Variants in TRIM9 observed in about 807,000 individuals in gnomAD.
TRIM9 encodes tripartite motif containing 9, also known as E3 ubiquitin-protein ligase TRIM9.
TRIM9 carries 26 observed loss-of-function variants against 78.3 expected under a neutral mutation model. That is an observed-to-expected ratio of 0.33 (90% CI 0.24 to 0.46). The LOEUF (loss-of-function observed/expected upper bound fraction) is 0.46. Ranked by LOEUF, TRIM9 falls within the 20% of genes least tolerant of loss-of-function variation. The probability of loss-of-function intolerance (pLI) is 1.00; values close to 1 mark genes in which losing one functional copy is unlikely to be tolerated. For synonymous variants in TRIM9, 398 were observed against 416.5 expected, an observed-to-expected ratio of 0.96 and a Z score of 0.54; for missense variants, 787 against 1,036.4, an observed-to-expected ratio of 0.76 and a Z score of 3.30.
At chr14:51,006,047 G>T (rs1311591005) in intron 5 of TRIM9, among the ~76,000 whole-genome samples, 1 of 152,130 alleles carries the variant, frequency 6.6e-6, no homozygotes, top group Non-Finnish European at 1.5e-5. Flanking sequence ...AACAACAATG[G>T]CGTCTATGAT....
chr14:51,007,049 T>C (rs528055637), intron 5 of TRIM9, among the ~76,000 whole-genome samples: 1 of 152,238 alleles, frequency 6.6e-6, no homozygotes, highest in South Asian at 2.1e-4. Flanking sequence ...AGGAGGGCAA[T>C]GAATGGGGGA....
intron 3 of TRIM9, among the ~76,000 whole-genome samples, chr14:51,011,128 A>G (rs1161171053): frequency 6.6e-6 from 1 of 152,204 alleles, no homozygotes; most frequent in Non-Finnish European, 1.5e-5. Flanking sequence ...TTTTAAGAAT[A>G]ACCCACTGAA....
intron 1 of TRIM9, chr14:51,088,907 T>C (rs1329509932): frequency 1.3e-5 from 2 of 151,914 alleles, no homozygotes; most frequent in African/African-American, 2.4e-5. Flanking sequence ...AGTATTTACA[T>C]GTGTTAATTC....
chr14:51,057,860 G>A (rs1019069478), intron 1 of TRIM9, among the ~76,000 whole-genome samples: 1 of 152,158 alleles, frequency 6.6e-6, no homozygotes, highest in South Asian at 2.1e-4. Context: ...AAGTGGAAAA[G>A]ATGTCTACAG....
At chr14:51,024,549 G>C (rs766376239) in intron 2 of TRIM9, among the ~76,000 whole-genome samples, 1 of 152,212 alleles carries the variant, frequency 6.6e-6, no homozygotes, top group Non-Finnish European at 1.5e-5. Flanking sequence ...AAACAGTACA[G>C]AAGGTCATTA....
chr14:51,037,984 C>A (rs1164800312), intron 1 of TRIM9, among the ~76,000 whole-genome samples: 1 of 152,200 alleles, frequency 6.6e-6, no homozygotes, highest in Non-Finnish European at 1.5e-5. Flanking sequence ...TGACTGGGTT[C>A]AATCTCCTGC....
At chr14:51,039,386 A>C (rs1300396020) in intron 1 of TRIM9, among the ~76,000 whole-genome samples, 1 of 152,284 alleles carries the variant, frequency 6.6e-6, no homozygotes, top group Non-Finnish European at 1.5e-5. Context: ...GAAACAGCTC[A>C]GATGTCTACC....
intron 7 of TRIM9, chr14:50,997,134 C>T: frequency 3.0e-6 from 3 of 985,246 alleles, no homozygotes; most frequent in Non-Finnish European, 3.6e-6. Flanking sequence ...AAAATGACAC[C>T]CCAAAGTGTC....
intron 1 of TRIM9, among the ~76,000 whole-genome samples, chr14:51,049,778 T>C (rs965895401): frequency 6.6e-6 from 1 of 151,342 alleles, no homozygotes; most frequent in Non-Finnish European, 1.5e-5. Context: ...TGAGCCGAGA[T>C]TGCACCACTG....
intron 11 of TRIM9, among the ~76,000 whole-genome samples, chr14:50,980,604 G>T (rs2051741295): frequency 1.3e-5 from 2 of 152,184 alleles, no homozygotes. Context: ...ATAGTGTGAT[G>T]GTTATGTCAT....
At chr14:50,983,268 T>C (rs1206454454) in intron 9 of TRIM9, 112 bp downstream of exon 9, 4 of 917,888 alleles carry the variant, frequency 4.4e-6, no homozygotes, top group African/African-American at 3.3e-5. Flanking sequence ...AGGGTTAGAA[T>C]GACAATTAGA....
At chr14:51,059,985 TA>T (rs1016346831) in intron 1 of TRIM9, among the ~76,000 whole-genome samples, 92 of 152,314 alleles carry the variant, frequency 6.0e-4, no homozygotes, top group Non-Finnish European at 1.1e-3. Flanking sequence ...AATTGTTTCT[TA>T]AAAAAGTGTT....
chr14:51,034,512 T>C (rs1255131736), intron 1 of TRIM9, among the ~76,000 whole-genome samples: 1 of 151,992 alleles, frequency 6.6e-6, no homozygotes, highest in East Asian at 1.9e-4. Context: ...TCAGCAGGAG[T>C]GTGCATTGGA....
At chr14:51,071,050 T>A (rs998509450) in intron 1 of TRIM9, among the ~76,000 whole-genome samples, 2 of 152,030 alleles carry the variant, frequency 1.3e-5, no homozygotes, top group African/African-American at 4.8e-5. Flanking sequence ...TTTGGTGGAC[T>A]GATGGGGACG....
chr14:51,043,980 G>A (rs1323044162), intron 1 of TRIM9, among the ~76,000 whole-genome samples: 1 of 152,084 alleles, frequency 6.6e-6, no homozygotes, highest in Non-Finnish European at 1.5e-5. Flanking sequence ...ACATATTTAG[G>A]ATCCAAAGAG....
At chr14:51,010,306 TG>T in intron 4 of TRIM9, 77 bp downstream of exon 4, 1 of 1,171,240 alleles carries the variant, frequency 8.5e-7, no homozygotes, top group Non-Finnish European at 1.3e-6. Flanking sequence ...CCAGGGCTGT[TG>T]GAAGTCTGAC....
intron 1 of TRIM9, among the ~76,000 whole-genome samples, chr14:51,068,089 AT>A (rs1311384968): frequency 6.6e-6 from 1 of 152,168 alleles, no homozygotes; most frequent in African/African-American, 2.4e-5. Context: ...CAAACCCAGA[AT>A]TTCTGATTCA....
chr14:51,029,965 T>C (rs973389517), intron 1 of TRIM9, among the ~76,000 whole-genome samples: 23 of 152,220 alleles, frequency 1.5e-4, no homozygotes, highest in African/African-American at 5.3e-4. Context: ...AGAGGATGAC[T>C]ATGATTGATT....
chr14:51,034,945 C>A (rs568836067), intron 1 of TRIM9, among the ~76,000 whole-genome samples: 1 of 152,158 alleles, frequency 6.6e-6, no homozygotes, highest in South Asian at 2.1e-4. Flanking sequence ...GGCAGGCTAC[C>A]CTGGCACATA....
Sources: allele counts gnomAD v4.1 joint callset (sites outside exome capture counted in the v4.1 genomes callset), GRCh38; gene constraint gnomAD v4.1.1; transcripts MANE v1.5; gene names NCBI Gene and HGNC (gene_info 2026-07-23, HGNC 2026-07-21).